Variants in MMP26 observed in about 807,000 individuals in gnomAD.
The protein encoded by MMP26 is matrix metalloproteinase-26.
Under a neutral mutation model 31.0 loss-of-function variants are expected in MMP26, and 33 were observed. That is an observed-to-expected ratio of 1.06 (90% CI 0.81 to 1.42). MMP26 has a LOEUF of 1.42. Among genes scored for constraint, MMP26 ranks in the 40% most tolerant of loss-of-function variants. The pLI is 0.00. For missense variants in MMP26, 347 were observed against 316.1 expected (o/e 1.10, Z -0.74); for synonymous variants, 122 against 114.9 (o/e 1.06, Z -0.40).
At chr11:4,769,442 A>G (rs567753506) in intron 2 of MMP26, 2 of 1,612,762 alleles carry the variant, frequency 1.2e-6, no homozygotes, top group Non-Finnish European at 1.7e-6. Flanking sequence ...AAGTAGTGGC[A>G]ATATTAGTAC....
intron 2 of MMP26, among the ~76,000 whole-genome samples, chr11:4,792,244 C>T (rs985236411): frequency 4.7e-5 from 7 of 150,436 alleles, no homozygotes; most frequent in African/African-American, 1.5e-4. Context: ...TTCACAAAGA[C>T]AGACACAACC....
intron 2 of MMP26, among the ~76,000 whole-genome samples, chr11:4,986,932 C>CTCTCCCCCTCTCTCTCT (rs1564819722): frequency 3.3e-5 from 2 of 60,448 alleles, no homozygotes; most frequent in East Asian, 9.3e-4. Flanking sequence ...TCTCTCTCTC[C>CTCTCCCCCTCTCTCTCT]CTCTCTCTCT....
intron 2 of MMP26, among the ~76,000 whole-genome samples, chr11:4,873,113 CAAT>C (rs1247800411): frequency 1.3e-5 from 2 of 152,040 alleles, no homozygotes; most frequent in African/African-American, 4.8e-5. Flanking sequence ...AGTCATTAAT[CAAT>C]AAATTAATTA....
At position 4,949,506 on chromosome 11, in the gene MMP26, A is replaced by T. The variant is rs1846350528; in HGVS notation, c.-144-38562A>T. Reference sequence around the variant, plus strand: ...CAGTTGAGGTTTCTCTTGGCCCCATATACTGAAATAATAGTGAAGGGGGGC... The same window carrying T: ...CAGTTGAGGTTTCTCTTGGCCCCATTTACTGAAATAATAGTGAAGGGGGGC... On this transcript the variant is annotated intron_variant, in intron 2 of 7. Transcript: ENST00000380390. Among the ~76,000 whole-genome samples the T allele has an allele frequency of 2.4e-5, 3 of 123,134 alleles. 1 individual carries two copies. The highest frequency in any genetic ancestry group is 5.5e-5 in the Non-Finnish European group (3 of 54,466). 80.8% of individuals were successfully genotyped at this position (123,134 alleles called of 152,430 possible).
rs1303897507 is a variant in MMP26 at position 4,748,577 on chromosome 11, A to C, written c.-216-18693A>C. Among the ~76,000 whole-genome samples the C allele has an allele frequency of 5.7e-5, 4 of 70,648 alleles. No individual in the cohort carries two copies. The East Asian group carries it at 1.1e-3, about 20-fold the overall frequency. The allele number at this position is 70,648 out of a possible 152,430, so 46.3% of individuals were successfully genotyped here. On this transcript the variant is annotated intron_variant, in intron 1 of 7. Coordinates refer to ENST00000380390, the MANE Select transcript of MMP26 (RefSeq NM_021801.5). ...AGCAAACTGAATCAAACAGCACATC[A>C]AAAAAAAAAAAAAACACAACAATGA...
chr11:4,963,384 C>T (rs1215465274), intron 2 of MMP26, among the ~76,000 whole-genome samples: 3 of 152,156 alleles, frequency 2.0e-5, no homozygotes, highest in Non-Finnish European at 4.4e-5. Context: ...GAAAAAACTA[C>T]TTTAAATTTC....
At chr11:4,805,868 G>A (rs1450541790) in intron 2 of MMP26, among the ~76,000 whole-genome samples, 1 of 151,924 alleles carries the variant, frequency 6.6e-6, no homozygotes, top group East Asian at 1.9e-4. Flanking sequence ...TCTCAGAATC[G>A]ATGGCACAAA....
chr11:4,875,852 G>A (rs534748358), intron 2 of MMP26: 1 of 152,220 alleles, frequency 6.6e-6, no homozygotes. Flanking sequence ...TCTTTTTAAA[G>A]TTCCTTGGGA....
chr11:4,766,595 T>C (rs1218266617), intron 1 of MMP26, among the ~76,000 whole-genome samples: 1 of 152,106 alleles, frequency 6.6e-6, no homozygotes, highest in African/African-American at 2.4e-5. Flanking sequence ...GTGATTTAAT[T>C]AACTCACATC....
chr11:4,862,313 A>C (rs1371666241), intron 2 of MMP26, among the ~76,000 whole-genome samples: 1 of 152,188 alleles, frequency 6.6e-6, no homozygotes, highest in South Asian at 2.1e-4. Context: ...GTAAAGGACT[A>C]TTTTATGGTT....
intron 2 of MMP26, among the ~76,000 whole-genome samples, chr11:4,797,685 C>G (rs7952317): frequency 0.21 from 32,238 of 152,114 alleles, 4,010 homozygotes; most frequent in African/African-American, 0.33. Context: ...ATTCAAGAAG[C>G]AGAAATTGGC....
chr11:4,910,510 C>T (rs1043028765), intron 2 of MMP26, among the ~76,000 whole-genome samples: 2 of 152,042 alleles, frequency 1.3e-5, no homozygotes, highest in Middle Eastern at 3.2e-3. Flanking sequence ...TTCTCTTTAT[C>T]TATTTATTTC....
At chr11:4,897,496 C>G (rs1420064828) in intron 2 of MMP26, among the ~76,000 whole-genome samples, 1 of 152,124 alleles carries the variant, frequency 6.6e-6, no homozygotes, top group Non-Finnish European at 1.5e-5. Context: ...ACTATTATAT[C>G]AAAACATTTA....
intron 2 of MMP26, chr11:4,848,361 A>C (rs2133497089): frequency 6.2e-7 from 1 of 1,614,144 alleles, no homozygotes; most frequent in East Asian, 2.2e-5. Flanking sequence ...GACATAGGAT[A>C]GAAGAGTATG....
intron 2 of MMP26, among the ~76,000 whole-genome samples, chr11:4,774,246 A>G (rs981234201): frequency 2.0e-5 from 3 of 152,212 alleles, no homozygotes; most frequent in Non-Finnish European, 4.4e-5. Flanking sequence ...ATTCTGACCA[A>G]CAATGTAAAA....
At chr11:4,741,060 A>T (rs1848305619) in intron 1 of MMP26, among the ~76,000 whole-genome samples, 1 of 152,198 alleles carries the variant, frequency 6.6e-6, no homozygotes, top group Admixed American at 6.5e-5. Context: ...TTTATATTTA[A>T]GTCTTTAATT....
At chr11:4,779,013 C>T (rs934725190) in intron 2 of MMP26, among the ~76,000 whole-genome samples, 1 of 151,892 alleles carries the variant, frequency 6.6e-6, no homozygotes, top group South Asian at 2.1e-4. Context: ...GCCTCTTGTT[C>T]TTCCTGATTA....
chr11:4,823,633 C>T (rs1302967779), intron 2 of MMP26, among the ~76,000 whole-genome samples: 2 of 152,104 alleles, frequency 1.3e-5, no homozygotes, highest in Admixed American at 6.6e-5. Context: ...GCCGAGACAT[C>T]CATACAACAG....
At chr11:4,897,135 C>CACAT (rs139785630) in intron 2 of MMP26, among the ~76,000 whole-genome samples, 139 of 151,860 alleles carry the variant, frequency 9.2e-4, no homozygotes, top group Admixed American at 5.0e-3. Context: ...CACACACACA[C>CACAT]GCTGATTTTT....
Sources: gnomAD v4.1 joint callset for allele counts (sites outside exome capture counted in the v4.1 genomes callset) on GRCh38, gnomAD v4.1.1 for gene constraint, MANE v1.5 for transcripts, NCBI Gene and HGNC (gene_info 2026-07-23, HGNC 2026-07-21) for gene names.